Variants in NREP observed in about 807,000 individuals in gnomAD.
The protein encoded by NREP is neuronal regeneration-related protein.
Under a neutral mutation model 8.6 loss-of-function variants are expected in NREP, and 5 were observed. That is an observed-to-expected ratio of 0.58 (90% CI 0.30 to 1.22). The LOEUF is 1.22. NREP is among the 50% of genes most tolerant of loss of function. The pLI is 0.07. For synonymous variants in NREP, 27 were observed against 28.0 expected (o/e 0.96, Z 0.11); for missense variants, 86 against 82.5 (o/e 1.04, Z -0.17).
chr5:111,741,828 C>G (rs866750284), intron 2 of NREP, among the ~76,000 whole-genome samples: 1 of 146,450 alleles, frequency 6.8e-6, no homozygotes, highest in Non-Finnish European at 1.5e-5. Context: ...CACACATACA[C>G]ACACACACAC....
chr5:111,888,342 CG>C (rs55744973), intron 2 of NREP, among the ~76,000 whole-genome samples: 21 of 150,120 alleles, frequency 1.4e-4, no homozygotes, highest in East Asian at 3.9e-4. Context: ...TGCTGGGTGG[CG>C]GGGGGGGTCT....
chr5:111,849,752 T>C (rs1397966647), intron 2 of NREP, among the ~76,000 whole-genome samples: 2 of 152,142 alleles, frequency 1.3e-5, no homozygotes, highest in Non-Finnish European at 1.5e-5. Flanking sequence ...AGCTGAAATA[T>C]ACATTTTCTA....
intron 2 of NREP, among the ~76,000 whole-genome samples, chr5:111,744,172 T>C (rs1399515940): frequency 6.6e-6 from 1 of 152,128 alleles, no homozygotes; most frequent in Non-Finnish European, 1.5e-5. Context: ...AAGAAACTAT[T>C]CACTCTTTCC....
intron 2 of NREP, among the ~76,000 whole-genome samples, chr5:111,884,213 A>C (rs1368210393): frequency 6.6e-6 from 1 of 151,626 alleles, no homozygotes; most frequent in Non-Finnish European, 1.5e-5. Flanking sequence ...CAAATAAACT[A>C]GAAAATCTAG....
chr5:111,802,657 C>A, intron 2 of NREP, among the ~76,000 whole-genome samples: 1 of 152,044 alleles, frequency 6.6e-6, no homozygotes. Flanking sequence ...GAATGTTAGC[C>A]AAAACAAATC....
At chr5:111,927,342 C>G (rs1755416910) in intron 2 of NREP, among the ~76,000 whole-genome samples, 1 of 152,096 alleles carries the variant, frequency 6.6e-6, no homozygotes. Flanking sequence ...TTCCAAACCA[C>G]ATGATAAGCA....
At chr5:111,761,784 G>A (rs1458936851), upstream of NREP, among the ~76,000 whole-genome samples, 4 of 152,204 alleles carry the variant, frequency 2.6e-5, no homozygotes, top group Non-Finnish European at 5.9e-5. Context: ...TAGCCAATCA[G>A]TGTATTGAAT....
At chr5:111,781,106 T>C (rs1751483369) in intron 2 of NREP, among the ~76,000 whole-genome samples, 1 of 152,184 alleles carries the variant, frequency 6.6e-6, no homozygotes, top group Non-Finnish European at 1.5e-5. Context: ...GTATTAAGCC[T>C]AGTACTCATT....
intron 2 of NREP, among the ~76,000 whole-genome samples, chr5:111,884,345 C>T (rs1398765228): frequency 2.0e-5 from 3 of 151,608 alleles, no homozygotes; most frequent in Admixed American, 1.3e-4. Flanking sequence ...GTTTACCAAC[C>T]AAAAAGAGTC....
intron 2 of NREP, among the ~76,000 whole-genome samples, chr5:111,836,446 AG>A: frequency 6.6e-6 from 1 of 152,184 alleles, no homozygotes; most frequent in South Asian, 2.1e-4. Context: ...GGGAAGAGCA[AG>A]TCTCTTCTGA....
At chr5:111,811,644 T>C (rs1752271412) in intron 2 of NREP, among the ~76,000 whole-genome samples, 1 of 152,252 alleles carries the variant, frequency 6.6e-6, no homozygotes, top group Non-Finnish European at 1.5e-5. Context: ...GGAAGTATTC[T>C]GAGCAGGACA....
At chr5:111,968,714 C>G (rs749214787) in intron 2 of NREP, among the ~76,000 whole-genome samples, 2 of 152,194 alleles carry the variant, frequency 1.3e-5, no homozygotes, top group Non-Finnish European at 2.9e-5. Context: ...TGCCCTAGCC[C>G]CACTACTTCT....
Position 111,729,806 on chromosome 5 carries a change from A to C in NREP, c.*1115T>G, listed in dbSNP as rs1748388367. ...TACACCTTGCTTATCAAAATTGCCGAAAAAAGAATGCTCTGCCTTTTAAAA... is the reference window on the plus strand; with the variant it reads ...TACACCTTGCTTATCAAAATTGCCGCAAAAAGAATGCTCTGCCTTTTAAAA... On this transcript the variant is annotated 3_prime_UTR_variant, in exon 4 of 4. Transcript: ENST00000257435. The C allele has an allele frequency of 6.6e-6, 1 of 152,592 alleles. No individual in the cohort carries two copies. The highest frequency in any genetic ancestry group is 2.4e-5 in the African/African-American group (1 of 41,432). 9.5% of individuals were successfully genotyped at this position (152,592 alleles called of 1,614,324 possible). A position where few individuals can be genotyped will look rare whatever the true frequency, so the allele number is the denominator to read the frequency against.
intron 2 of NREP, among the ~76,000 whole-genome samples, chr5:111,945,815 G>A (rs1385384981): frequency 6.6e-6 from 1 of 151,660 alleles, no homozygotes; most frequent in Non-Finnish European, 1.5e-5. Flanking sequence ...CAGAACGTTT[G>A]CAAAAAAAGA....
upstream of NREP, among the ~76,000 whole-genome samples, chr5:111,762,454 C>CA (rs1455833847): frequency 6.6e-6 from 1 of 151,954 alleles, no homozygotes; most frequent in Non-Finnish European, 1.5e-5. Context: ...CCCCTCCCCC[C>CA]ACACACCACC....
chr5:111,782,910 T>C (rs931399131), intron 2 of NREP, among the ~76,000 whole-genome samples: 1 of 152,000 alleles, frequency 6.6e-6, no homozygotes, highest in Non-Finnish European at 1.5e-5. Context: ...AATTTTTGTA[T>C]TTAAACGAGA....
chr5:111,969,714 T>C (rs947160658), intron 2 of NREP, among the ~76,000 whole-genome samples: 4 of 152,224 alleles, frequency 2.6e-5, no homozygotes, highest in African/African-American at 7.2e-5. Flanking sequence ...AGGTCTCCAT[T>C]ACTAGAATGG....
intron 2 of NREP, among the ~76,000 whole-genome samples, chr5:111,791,051 T>G (rs1386237808): frequency 6.6e-6 from 1 of 152,168 alleles, no homozygotes; most frequent in Non-Finnish European, 1.5e-5. Flanking sequence ...AGGACTGTAA[T>G]AGAAGATTAA....
chr5:111,801,473 G>T (rs1226124421), intron 2 of NREP, among the ~76,000 whole-genome samples: 1 of 152,124 alleles, frequency 6.6e-6, no homozygotes, highest in Non-Finnish European at 1.5e-5. Context: ...GTTAAAGATG[G>T]TGACATAGAA....
Sources: allele counts gnomAD v4.1 joint callset (sites outside exome capture counted in the v4.1 genomes callset), GRCh38; gene constraint gnomAD v4.1.1; transcripts MANE v1.5; gene names NCBI Gene and HGNC (gene_info 2026-07-23, HGNC 2026-07-21).